The following GAB1 variants were observed in gnomAD, a reference collection of about 807,000 sequenced individuals.
GAB1 encodes the protein GRB2-associated-binding protein 1.
A neutral mutation model predicts 66.5 loss-of-function variants in GAB1; 19 were observed. That is an observed-to-expected ratio of 0.29 (90% confidence interval 0.20 to 0.42). GAB1 has a LOEUF of 0.42. Ranked by LOEUF, GAB1 falls within the 10% of genes least tolerant of loss-of-function variation. The probability of loss-of-function intolerance (pLI) is 1.00; values close to 1 mark genes in which losing one functional copy is unlikely to be tolerated. For synonymous variants in GAB1, 294 were observed against 301.4 expected, an observed-to-expected ratio of 0.98 and a Z score of 0.25; for missense variants, 732 against 858.5, an observed-to-expected ratio of 0.85 and a Z score of 1.84.
intron 1 of GAB1, among the ~76,000 whole-genome samples, chr4:143,372,743 A>G (rs1356298499): frequency 1.3e-5 from 2 of 152,222 alleles, no homozygotes; most frequent in Admixed American, 6.5e-5. Context: ...AAACTTGTTC[A>G]GGGGTATCCC....
intron 5 of GAB1, 94 bp from the exon 6 acceptor site, chr4:143,439,985 C>A: frequency 1.4e-6 from 2 of 1,399,722 alleles, no homozygotes; most frequent in Non-Finnish European, 2.0e-6. Context: ...AATAAAAGTA[C>A]GCTGAGATCC....
chr4:143,451,509 G>A (rs958281588), intron 6 of GAB1, among the ~76,000 whole-genome samples: 1 of 152,120 alleles, frequency 6.6e-6, no homozygotes, highest in Non-Finnish European at 1.5e-5. Context: ...TAAATCTTAA[G>A]TCAAGCTTTG....
At chr4:143,339,967 C>T (rs1291064038) in intron 1 of GAB1, among the ~76,000 whole-genome samples, 1 of 152,174 alleles carries the variant, frequency 6.6e-6, no homozygotes, top group Non-Finnish European at 1.5e-5. Context: ...AGACAGTAGA[C>T]AGGGCGGCTG....
intron 1 of GAB1, among the ~76,000 whole-genome samples, chr4:143,372,143 G>A (rs1469649653): frequency 6.6e-6 from 1 of 151,740 alleles, no homozygotes; most frequent in Non-Finnish European, 1.5e-5. Context: ...TGGCCAACAT[G>A]GTGAAACCCC....
At chr4:143,350,786 G>A (rs527713622) in intron 1 of GAB1, among the ~76,000 whole-genome samples, 15 of 152,094 alleles carry the variant, frequency 9.9e-5, no homozygotes, top group Admixed American at 2.0e-4. Context: ...GTATTTAGGA[G>A]CAAAAATTGA....
chr4:143,443,066 G>A (rs1290528644), intron 6 of GAB1, among the ~76,000 whole-genome samples: 1 of 148,040 alleles, frequency 6.8e-6, no homozygotes, highest in Non-Finnish European at 1.5e-5. Flanking sequence ...GCCCAGGCTG[G>A]AGTGCAGTGG....
At chr4:143,365,524 GTT>G (rs1283581194) in intron 1 of GAB1, among the ~76,000 whole-genome samples, 2 of 152,144 alleles carry the variant, frequency 1.3e-5, no homozygotes, top group African/African-American at 2.4e-5. Flanking sequence ...GGAGTACACT[GTT>G]TTTCTCTATA....
At position 143,472,755 on chromosome 4, in the gene GAB1, C is replaced by T. The variant is rs925036304; in HGVS notation, c.*3566C>T. 7.2e-5 allele frequency: 11 copies of T among 152,176 alleles called. No individual in the cohort carries two copies. Among genetic ancestry groups the T allele is most frequent in the African/African-American group, 1.4e-4 (6 of 41,520 alleles). 9.4% of individuals were successfully genotyped at this position (152,176 alleles called of 1,614,324 possible). ...CCACTGTCAAGTAAGCAATCAGGTC[C>T]GTGACAGGGATTGGACATATGAACA... On this transcript the variant is annotated 3_prime_UTR_variant, in exon 10 of 10. Coordinates refer to ENST00000262994, the MANE Select transcript of GAB1 (RefSeq NM_002039.4).
At position 143,420,898 on chromosome 4, in the gene GAB1, C is replaced by A. The variant is rs115889623; in HGVS notation, c.367+5127C>A. ...CTCAATTAGGGACTTTTTAAAATTT[C>A]TTTTTATTTACTTTTTTATTGAGGT... On this transcript the variant is annotated intron_variant, in intron 2 of 9. Coordinates refer to ENST00000262994, the MANE Select transcript of GAB1 (RefSeq NM_002039.4). Among the ~76,000 whole-genome samples, 1,138 of 152,074 alleles carry A rather than the reference C, an allele frequency of 7.5e-3. 11 individuals carry two copies. The highest frequency in any genetic ancestry group is 0.026 in the African/African-American group (1,089 of 41,536).
chr4:143,394,313 G>T (rs1251787972), intron 1 of GAB1, among the ~76,000 whole-genome samples: 1 of 152,030 alleles, frequency 6.6e-6, no homozygotes, highest in Non-Finnish European at 1.5e-5. Flanking sequence ...AGCAGAAGAG[G>T]AGAAAGATTC....
intron 1 of GAB1, 48 bp from the exon 2 acceptor site, chr4:143,415,429 A>G: frequency 7.2e-7 from 1 of 1,387,404 alleles, no homozygotes; most frequent in Non-Finnish European, 9.9e-7. Flanking sequence ...CTTCTTGAAA[A>G]CATTATCTCA....
chr4:143,347,550 G>A (rs1729030049), intron 1 of GAB1, among the ~76,000 whole-genome samples: 1 of 152,188 alleles, frequency 6.6e-6, no homozygotes, highest in Non-Finnish European at 1.5e-5. Flanking sequence ...TCCCCTCCCA[G>A]ATAAAATCCT....
At chr4:143,380,487 A>C (rs1247911084) in intron 1 of GAB1, 1 of 146,858 alleles carries the variant, frequency 6.8e-6, no homozygotes, top group East Asian at 1.9e-4. Flanking sequence ...GTTCTGCCTC[A>C]AATAAAATAT....
intron 2 of GAB1, among the ~76,000 whole-genome samples, chr4:143,427,775 C>T (rs901366801): frequency 2.6e-5 from 4 of 152,018 alleles, no homozygotes; most frequent in Admixed American, 2.0e-4. Context: ...AGGAGTCCTA[C>T]GGATTCAGAA....
At chr4:143,444,642 G>T (rs1189463090) in intron 6 of GAB1, among the ~76,000 whole-genome samples, 1 of 151,938 alleles carries the variant, frequency 6.6e-6, no homozygotes, top group African/African-American at 2.4e-5. Flanking sequence ...TTTTAGGGGG[G>T]TGCATGTGCA....
chr4:143,373,822 C>CCT (rs3049718), intron 1 of GAB1, among the ~76,000 whole-genome samples: 3,035 of 97,746 alleles, frequency 0.031, 111 homozygotes, highest in East Asian at 0.054. Context: ...GGAGTGAAAC[C>CCT]CTCTCTCTCT....
intron 9 of GAB1, among the ~76,000 whole-genome samples, chr4:143,468,780 A>T (rs1735931773): frequency 6.6e-6 from 1 of 151,852 alleles, no homozygotes; most frequent in Non-Finnish European, 1.5e-5. Flanking sequence ...AAAATTAGCC[A>T]GGCGTGGTGG....
intron 1 of GAB1, among the ~76,000 whole-genome samples, chr4:143,379,222 T>C (rs1348666136): frequency 6.6e-6 from 1 of 152,152 alleles, no homozygotes; most frequent in Non-Finnish European, 1.5e-5. Context: ...GTATTAATGT[T>C]TGTGTCAAAT....
chr4:143,444,956 A>G (rs899833573), intron 6 of GAB1, among the ~76,000 whole-genome samples: 3 of 152,074 alleles, frequency 2.0e-5, no homozygotes, highest in African/African-American at 7.2e-5. Context: ...ATGGCTGTGT[A>G]GTATATGTAC....
Sources: gnomAD v4.1 joint callset for allele counts (sites outside exome capture counted in the v4.1 genomes callset) on GRCh38, gnomAD v4.1.1 for gene constraint, MANE v1.5 for transcripts, NCBI Gene and HGNC (gene_info 2026-07-23, HGNC 2026-07-21) for gene names.